The following PSD3 variants were observed in gnomAD, a reference collection of about 807,000 sequenced individuals.
PSD3 encodes pleckstrin and Sec7 domain containing 3.
A neutral mutation model predicts 105.5 loss-of-function variants in PSD3; 49 were observed. That is an observed-to-expected ratio of 0.46 (90% CI 0.37 to 0.59). The LOEUF (loss-of-function observed/expected upper bound fraction) is 0.59. Ranked by LOEUF, PSD3 falls within the 20% of genes least tolerant of loss-of-function variation. The probability of loss-of-function intolerance (pLI) is 0.00; values close to 1 mark genes in which losing one functional copy is unlikely to be tolerated. For synonymous variants in PSD3, 557 were observed against 457.8 expected (o/e 1.22, Z -2.77); for missense variants, 1,561 against 1,263.8 (o/e 1.24, Z -3.57).
chr8:18,939,046 G>A lies in PSD3; in HGVS notation c.22-2904C>T, dbSNP rs568519188. On this transcript the variant is annotated intron_variant, in intron 1 of 15. Transcript: ENST00000327040. ...CATCAGAAAGAACATTTTTAAAAAG[G>A]AATCCATTACAGGGGTGCTAGAAAA... Among the ~76,000 whole-genome samples, 3 of 152,268 alleles carry A rather than the reference G, an allele frequency of 2.0e-5. No individual in the cohort carries two copies. In the East Asian group the frequency reaches 5.8e-4, roughly 29 times the overall value.
chr8:18,976,315 TTAAA>T (rs1186832293), intron 1 of PSD3, among the ~76,000 whole-genome samples: 3 of 152,254 alleles, frequency 2.0e-5, no homozygotes, highest in Non-Finnish European at 2.9e-5. Flanking sequence ...AACCTTATTA[TTAAA>T]TAAATTACAA....
At chr8:18,870,889 G>C (rs151229171) in intron 3 of PSD3, among the ~76,000 whole-genome samples, 1 of 151,998 alleles carries the variant, frequency 6.6e-6, no homozygotes, top group African/African-American at 2.4e-5. Context: ...CACTTGATGC[G>C]AGGAGTTTGA....
chr8:18,857,612 G>A (rs1816122107), intron 4 of PSD3, among the ~76,000 whole-genome samples: 1 of 152,218 alleles, frequency 6.6e-6, no homozygotes, highest in East Asian at 1.9e-4. Context: ...CTGTGCTACA[G>A]CTTTACTACT....
At chr8:18,808,909 G>T (rs1266660616) in intron 4 of PSD3, 2 of 1,543,622 alleles carry the variant, frequency 1.3e-6, no homozygotes, top group Non-Finnish European at 1.7e-6. Context: ...TCCCTGTGAG[G>T]TCACACTACT....
At chr8:19,069,285 GC>G (rs1227694948) in intron 1 of PSD3, among the ~76,000 whole-genome samples, 1 of 152,126 alleles carries the variant, frequency 6.6e-6, no homozygotes, top group Non-Finnish European at 1.5e-5. Context: ...GGATCCCCTG[GC>G]CTACAAAAGC....
At chr8:18,587,954 G>C (rs1017875357) in intron 12 of PSD3, among the ~76,000 whole-genome samples, 8 of 152,104 alleles carry the variant, frequency 5.3e-5, no homozygotes, top group Non-Finnish European at 7.3e-5. Flanking sequence ...TCCAACCAGG[G>C]GGACGGATTA....
intron 11 of PSD3, among the ~76,000 whole-genome samples, chr8:18,629,153 T>A (rs1463616370): frequency 6.6e-6 from 1 of 151,996 alleles, no homozygotes; most frequent in Non-Finnish European, 1.5e-5. Context: ...TGTATTAATA[T>A]TAGACAAAGT....
intron 9 of PSD3, among the ~76,000 whole-genome samples, chr8:18,727,528 T>C (rs1471732678): frequency 2.4e-5 from 1 of 41,520 alleles, no homozygotes; most frequent in African/African-American, 7.8e-5. Flanking sequence ...AATCAATCAA[T>C]AGCTAAATTA....
intron 2 of PSD3, among the ~76,000 whole-genome samples, chr8:18,873,598 T>A (rs1308724052): frequency 1.3e-5 from 2 of 152,194 alleles, no homozygotes; most frequent in Non-Finnish European, 2.9e-5. Context: ...AAAATCTACT[T>A]ACTCTTCTAG....
intron 2 of PSD3, among the ~76,000 whole-genome samples, chr8:18,894,887 A>T (rs1345421474): frequency 6.6e-6 from 1 of 152,186 alleles, no homozygotes. Flanking sequence ...CATGTTTTGA[A>T]TGAAAGGGAA....
chr8:18,552,131 G>A (rs764292640), intron 15 of PSD3, among the ~76,000 whole-genome samples: 11 of 152,096 alleles, frequency 7.2e-5, no homozygotes, highest in Non-Finnish European at 1.5e-4. Flanking sequence ...GCATTGCGTC[G>A]GCTGGTTTTC....
chr8:18,995,187 T>G (rs1826008929), intron 1 of PSD3, among the ~76,000 whole-genome samples: 1 of 152,142 alleles, frequency 6.6e-6, no homozygotes, highest in Admixed American at 6.5e-5. Context: ...TACTGGGACT[T>G]TGCCTATAGC....
chr8:18,752,601 T>G (rs13262834), intron 9 of PSD3, among the ~76,000 whole-genome samples: 1 of 83,626 alleles, frequency 1.2e-5, no homozygotes, highest in African/African-American at 5.7e-5. Context: ...TATTATATAT[T>G]ATATATAATA....
intron 11 of PSD3, among the ~76,000 whole-genome samples, chr8:18,613,550 C>A (rs1243553521): frequency 6.6e-6 from 1 of 151,192 alleles, no homozygotes; most frequent in Non-Finnish European, 1.5e-5. Context: ...CGTTTTTTTT[C>A]CTGCAACGCT....
intron 1 of PSD3, among the ~76,000 whole-genome samples, chr8:19,047,562 T>C (rs1204783158): frequency 1.3e-5 from 2 of 151,930 alleles, no homozygotes; most frequent in Non-Finnish European, 1.5e-5. Context: ...GCTATAGAGT[T>C]TGAGTTTTGG....
intron 11 of PSD3, among the ~76,000 whole-genome samples, chr8:18,630,317 G>C (rs1451861481): frequency 6.6e-6 from 1 of 151,934 alleles, no homozygotes; most frequent in African/African-American, 2.4e-5. Flanking sequence ...AGGTGTCTGT[G>C]ATGTCTCAAC....
intron 2 of PSD3, among the ~76,000 whole-genome samples, chr8:18,933,291 G>T (rs1821866196): frequency 6.6e-6 from 1 of 151,832 alleles, no homozygotes; most frequent in Non-Finnish European, 1.5e-5. Flanking sequence ...CACGAGTAAG[G>T]AAGAACCAAA....
rs55772145 is a variant in PSD3 at position 18,969,671 on chromosome 8, T to A, written c.22-33529A>T. On this transcript the variant is annotated intron_variant, in intron 1 of 15. Transcript: ENST00000327040. The stretch of plus-strand genomic sequence containing the variant: ...TCAGTATTCAAATTACTATATGGGA[T>A]GTTTCATAACTATTAGCCTTGGCTA... 2.5e-3 allele frequency among the ~76,000 whole-genome samples: 377 copies of A among 152,360 alleles called. 1 individual carries two copies. The highest frequency in any genetic ancestry group is 8.8e-3 in the African/African-American group (366 of 41,580).
chr8:18,779,330 CT>C (rs979889879), intron 8 of PSD3, among the ~76,000 whole-genome samples: 17 of 151,378 alleles, frequency 1.1e-4, no homozygotes, highest in African/African-American at 3.9e-4. Context: ...TTTGTGTCTT[CT>C]TTTTTAATCT....
Sources: gnomAD v4.1 joint callset for allele counts (sites outside exome capture counted in the v4.1 genomes callset) on GRCh38, gnomAD v4.1.1 for gene constraint, MANE v1.5 for transcripts, NCBI Gene and HGNC (gene_info 2026-07-23, HGNC 2026-07-21) for gene names.